ZNF385D: variants seen among roughly 807,000 people sequenced by gnomAD.
ZNF385D encodes the protein zinc finger protein 659.
In ZNF385D, 15 loss-of-function variants were observed where a neutral mutation model predicts 35.8. The observed-to-expected ratio is 0.42, with a 90% CI of 0.28 to 0.64. ZNF385D has a LOEUF of 0.64. Among genes scored for constraint, ZNF385D ranks in the 30% least tolerant of loss-of-function variants. The pLI, the probability that ZNF385D is intolerant of heterozygous loss-of-function variation, is 0.23. For missense variants in ZNF385D, 474 were observed against 494.6 expected (o/e 0.96, Z 0.39); for synonymous variants, 212 against 186.8 (o/e 1.13, Z -1.10).
intron 3 of ZNF385D, among the ~76,000 whole-genome samples, chr3:21,927,668 T>A (rs1700796800): frequency 6.6e-6 from 1 of 152,166 alleles, no homozygotes; most frequent in African/African-American, 2.4e-5. Flanking sequence ...AATGTAAACA[T>A]AATAGAGCTA....
intron 2 of ZNF385D, among the ~76,000 whole-genome samples, chr3:22,184,867 T>C (rs904526947): frequency 1.3e-5 from 2 of 152,146 alleles, no homozygotes; most frequent in African/African-American, 2.4e-5. Flanking sequence ...ACATCTAAGA[T>C]GTTATAGATT....
chr3:22,333,656 A>G (rs1472723648), intron 2 of ZNF385D, among the ~76,000 whole-genome samples: 1 of 152,128 alleles, frequency 6.6e-6, no homozygotes, highest in Non-Finnish European at 1.5e-5. Context: ...AAGACTTTCT[A>G]TATTTTCATT....
In ZNF385D at chr3:22,078,360, G is replaced by C. The variant is rs370812779; in HGVS notation, c.325+90457C>G. 2.5e-4 allele frequency among the ~76,000 whole-genome samples: 38 copies of C among 152,152 alleles called. No individual in the cohort carries two copies. The South Asian group carries it at 7.1e-3, about 28-fold the overall frequency. On this transcript the variant is annotated intron_variant, in intron 3 of 5. Coordinates refer to the ZNF385D transcript ENST00000494108. ...TGCTCATCATTTGGTGATCATAACA[G>C]ATAATGTTGACCAGGCTCACAGAGA...
At chr3:22,147,116 G>A (rs1323465558) in intron 3 of ZNF385D, among the ~76,000 whole-genome samples, 1 of 152,178 alleles carries the variant, frequency 6.6e-6, no homozygotes, top group African/African-American at 2.4e-5. Flanking sequence ...TAATTAGAAA[G>A]AGACCAAATA....
At chr3:21,507,977 AG>A (rs1400152549) in intron 4 of ZNF385D, among the ~76,000 whole-genome samples, 3 of 152,134 alleles carry the variant, frequency 2.0e-5, no homozygotes, top group Non-Finnish European at 4.4e-5. Context: ...TGGAACTCTT[AG>A]CCTCTCAACC....
At chr3:21,999,075 G>A (rs932357961) in intron 3 of ZNF385D, among the ~76,000 whole-genome samples, 9 of 152,108 alleles carry the variant, frequency 5.9e-5, no homozygotes, top group Non-Finnish European at 7.3e-5. Context: ...TTTACCAGAC[G>A]TACTCATTCC....
intron 3 of ZNF385D, among the ~76,000 whole-genome samples, chr3:22,139,050 A>G (rs560712503): frequency 1.4e-3 from 213 of 152,338 alleles, no homozygotes; most frequent in African/African-American, 4.9e-3. Context: ...TTATGCGGCC[A>G]ACAGACACAA....
intron 2 of ZNF385D, among the ~76,000 whole-genome samples, chr3:22,237,366 CTGTTTATTATTGGGT>C (rs1174810369): frequency 6.6e-6 from 1 of 151,918 alleles, no homozygotes; most frequent in African/African-American, 2.4e-5. Flanking sequence ...TTTAATTGGG[CTGTTTATTATTGGGT>C]TGTGTTATTT....
At chr3:21,819,934 A>G (rs1274442303) in intron 3 of ZNF385D, among the ~76,000 whole-genome samples, 4 of 150,148 alleles carry the variant, frequency 2.7e-5, no homozygotes, top group Non-Finnish European at 5.9e-5. Flanking sequence ...TACAAATATT[A>G]TAACATTACT....
Position 21,413,236 on chromosome 3 carries a change from C to T in ZNF385D, c.*7978G>A, listed in dbSNP as rs527783816. The T allele has an allele frequency of 3.3e-5, 5 of 151,970 alleles. No homozygotes were observed. Among genetic ancestry groups the T allele is most frequent in the East Asian group, 1.9e-4 (1 of 5,172 alleles). The allele number at this position is 151,970 out of a possible 1,614,324, so 9.4% of individuals were successfully genotyped here. A position where few individuals can be genotyped will look rare whatever the true frequency, so the allele number is the denominator to read the frequency against. ...GAAAGGTTTATTCAGTAAGATTTGA[C>T]GAGATGTAAAAAGCAAATTTATTTA... On this transcript the variant is annotated 3_prime_UTR_variant, in exon 8 of 8. Coordinates refer to ENST00000281523, the MANE Select transcript of ZNF385D (RefSeq NM_024697.3).
chr3:22,254,117 T>C (rs1018686224), intron 2 of ZNF385D, among the ~76,000 whole-genome samples: 2 of 151,942 alleles, frequency 1.3e-5, no homozygotes, highest in African/African-American at 4.8e-5. Context: ...TTAATGACCT[T>C]AATGTATACA....
At chr3:22,113,430 T>A (rs770649543) in intron 3 of ZNF385D, among the ~76,000 whole-genome samples, 27 of 152,120 alleles carry the variant, frequency 1.8e-4, no homozygotes, top group Non-Finnish European at 3.5e-4. Context: ...AGGCAATGAA[T>A]TATCAGAACT....
intron 2 of ZNF385D, among the ~76,000 whole-genome samples, chr3:22,343,961 T>C (rs945170702): frequency 1.3e-5 from 2 of 152,170 alleles, no homozygotes; most frequent in Non-Finnish European, 2.9e-5. Flanking sequence ...AAAGACTATT[T>C]TGACTTCTCT....
chr3:21,763,489 G>C (rs1465961904), intron 3 of ZNF385D, among the ~76,000 whole-genome samples: 3 of 152,178 alleles, frequency 2.0e-5, no homozygotes, highest in Non-Finnish European at 4.4e-5. Flanking sequence ...AACTTCCATA[G>C]TATTGGTGTT....
chr3:22,263,873 AT>A (rs1379912431), intron 2 of ZNF385D, among the ~76,000 whole-genome samples: 5 of 152,072 alleles, frequency 3.3e-5, no homozygotes, highest in African/African-American at 1.2e-4. Flanking sequence ...ACAGCCCCTC[AT>A]GCAAAAAATA....
intron 3 of ZNF385D, among the ~76,000 whole-genome samples, chr3:22,050,053 G>C (rs756671889): frequency 6.6e-6 from 1 of 152,120 alleles, no homozygotes; most frequent in African/African-American, 2.4e-5. Context: ...GTTTGAGAAG[G>C]ATTGGTATTA....
chr3:21,459,682 T>C (rs1875465), intron 4 of ZNF385D, among the ~76,000 whole-genome samples: 1,694 of 152,222 alleles, frequency 0.011, 34 homozygotes, highest in South Asian at 0.051. Context: ...TTAAACAACA[T>C]GGCCCATAAA....
chr3:22,187,227 C>G (rs987500080), intron 2 of ZNF385D, among the ~76,000 whole-genome samples: 3 of 152,192 alleles, frequency 2.0e-5, no homozygotes, highest in Non-Finnish European at 4.4e-5. Context: ...TAACTGGCAT[C>G]TTGTACTGTG....
At chr3:22,027,479 A>C (rs1415862421) in intron 3 of ZNF385D, among the ~76,000 whole-genome samples, 3 of 152,172 alleles carry the variant, frequency 2.0e-5, no homozygotes, top group Non-Finnish European at 4.4e-5. Context: ...ATCACAGTGG[A>C]GGCCTCTAGG....
Sources: gnomAD v4.1 joint callset for allele counts (sites outside exome capture counted in the v4.1 genomes callset) on GRCh38, gnomAD v4.1.1 for gene constraint, MANE v1.5 for transcripts, NCBI Gene and HGNC (gene_info 2026-07-23, HGNC 2026-07-21) for gene names.